Variants in HDAC8 observed in about 807,000 individuals in gnomAD.
The protein encoded by HDAC8 is histone deacetylase 8.
HDAC8 carries 1 observed loss-of-function variant against 32.2 expected under a neutral mutation model. The observed-to-expected ratio is 0.03, with a 90% CI of 0.01 to 0.15. HDAC8 has a LOEUF of 0.15. Ranked by LOEUF, HDAC8 falls within the 10% of genes least tolerant of loss-of-function variation. The pLI, the probability that HDAC8 is intolerant of heterozygous loss-of-function variation, is 1.00. For synonymous variants in HDAC8, 108 were observed against 113.9 expected, an observed-to-expected ratio of 0.95 and a Z score of 0.33; for missense variants, 117 against 300.0, an observed-to-expected ratio of 0.39 and a Z score of 4.51.
At chrX:72,522,999 T>C (rs976818929) in intron 4 of HDAC8, among the ~76,000 whole-genome samples, 1 of 112,197 alleles carries the variant, frequency 8.9e-6, no homozygotes, top group Admixed American at 9.4e-5. Flanking sequence ...CTGTCTGCCA[T>C]GATAATTCTT....
chrX:72,566,590 T>C (rs1556134563), intron 4 of HDAC8, among the ~76,000 whole-genome samples: 1 of 112,034 alleles, frequency 8.9e-6, no homozygotes, highest in Non-Finnish European at 1.9e-5. Context: ...AAAAACAAAG[T>C]GTTGTTTTCT....
intron 9 of HDAC8, among the ~76,000 whole-genome samples, chrX:72,447,096 A>T (rs1352320522): frequency 8.9e-6 from 1 of 112,466 alleles, no homozygotes; most frequent in Non-Finnish European, 1.9e-5. Context: ...TTATGAGGCC[A>T]GCATCATCCT....
intron 9 of HDAC8, among the ~76,000 whole-genome samples, chrX:72,392,841 T>C (rs2045648798): frequency 8.9e-6 from 1 of 112,131 alleles, no homozygotes; most frequent in Admixed American, 9.5e-5. Flanking sequence ...TTCTTCAGCA[T>C]ATAATCACCA....
chrX:72,491,339 T>A (rs782781804), intron 5 of HDAC8, among the ~76,000 whole-genome samples: 2 of 111,720 alleles, frequency 1.8e-5, no homozygotes, highest in Non-Finnish European at 3.8e-5. Flanking sequence ...AGCCTAGAAT[T>A]GAGGCATTAT....
intron 4 of HDAC8, among the ~76,000 whole-genome samples, chrX:72,548,763 G>A (rs1241937659): frequency 9.0e-6 from 1 of 110,768 alleles, no homozygotes; most frequent in Non-Finnish European, 1.9e-5. Context: ...TCAAACTCCT[G>A]GGCTCAAGTG....
At position 72,572,080 on chromosome X, in the gene HDAC8, T is replaced by A; in HGVS notation, c.141A>T (p.Ala47=). Residue 47 remains alanine (A), a synonymous_variant, in exon 2 of 11, where the codon GCA becomes GCT. Coordinates refer to ENST00000373573, the MANE Select transcript of HDAC8 (RefSeq NM_018486.3). The stretch of plus-strand genomic sequence containing the variant: ...ACCTCATCTGCTTATGCAGTGCATA[T>A]GCTTCAATCAAAGAATGCACCATAC... The part of the protein sequence containing the change: ...RASMVHSLIE[A]YALHKQMRIV... 2.5e-6 allele frequency: 3 copies of A among 1,195,395 alleles called. No individual in the cohort carries two copies. The highest frequency in any genetic ancestry group is 3.4e-6 in the Non-Finnish European group (3 of 888,262).
intron 3 of HDAC8, among the ~76,000 whole-genome samples, chrX:72,568,379 A>G (rs1556140598): frequency 8.9e-6 from 1 of 111,868 alleles, no homozygotes; most frequent in Non-Finnish European, 1.9e-5. Flanking sequence ...ACTATCCTGC[A>G]GGTCACTTAC....
intron 7 of HDAC8, chrX:72,467,885 C>A: frequency 1.0e-6 from 1 of 990,044 alleles, no homozygotes; most frequent in Non-Finnish European, 1.4e-6. Context: ...ATACATATAA[C>A]ATTTATGAGT....
At chrX:72,333,424 C>T (rs112231080) in intron 10 of HDAC8, among the ~76,000 whole-genome samples, 9,963 of 111,916 alleles carry the variant, frequency 0.089, 630 homozygotes, top group African/African-American at 0.22. Context: ...CGTGGTGGCT[C>T]ATGCCTGTAA....
At chrX:72,475,162 A>C (rs1404002604) in intron 7 of HDAC8, among the ~76,000 whole-genome samples, 1 of 110,771 alleles carries the variant, frequency 9.0e-6, no homozygotes. Context: ...TCCAACAGAC[A>C]CTCTCAGCAC....
chrX:72,422,526 C>T (rs908536147), intron 9 of HDAC8, among the ~76,000 whole-genome samples: 1 of 111,461 alleles, frequency 9.0e-6, no homozygotes, highest in Non-Finnish European at 1.9e-5. Context: ...CTTTAAGGTC[C>T]TCTCAAGTCT....
chrX:72,533,268 G>A (rs1202596086), intron 4 of HDAC8, among the ~76,000 whole-genome samples: 1 of 111,588 alleles, frequency 9.0e-6, no homozygotes. Flanking sequence ...GTAGCTTTAT[G>A]GTAAGTTTTG....
intron 9 of HDAC8, among the ~76,000 whole-genome samples, chrX:72,400,194 T>G (rs2045866778): frequency 8.9e-6 from 1 of 111,844 alleles, no homozygotes; most frequent in Non-Finnish European, 1.9e-5. Flanking sequence ...TCTAGATATC[T>G]TCTCTTCTCT....
chrX:72,512,531 T>C (rs1293782672), intron 4 of HDAC8, among the ~76,000 whole-genome samples: 1 of 112,007 alleles, frequency 8.9e-6, no homozygotes, highest in Non-Finnish European at 1.9e-5. Context: ...GAAGCTGTCT[T>C]CTAAGAGGCT....
chrX:72,550,468 A>T (rs781954294), intron 4 of HDAC8, among the ~76,000 whole-genome samples: 1 of 110,846 alleles, frequency 9.0e-6, no homozygotes, highest in Admixed American at 9.7e-5. Flanking sequence ...GTTCACAGTC[A>T]TTCTACTCTA....
At chrX:72,468,144 G>A in intron 7 of HDAC8, 1 of 714,637 alleles carries the variant, frequency 1.4e-6, no homozygotes, top group Non-Finnish European at 2.0e-6. Flanking sequence ...TTAAATTCAA[G>A]ACTGGAAGTT....
At chrX:72,409,130 C>A (rs781882126) in intron 9 of HDAC8, among the ~76,000 whole-genome samples, 44 of 112,220 alleles carry the variant, frequency 3.9e-4, no homozygotes, top group South Asian at 1.5e-3. Context: ...TATTTTCTTT[C>A]TTCCTCTTCT....
Position 72,542,473 on chromosome X carries a change from C to T in HDAC8, c.437+25416G>A, listed in dbSNP as rs193098859. 2.7e-5 allele frequency among the ~76,000 whole-genome samples: 3 copies of T among 112,068 alleles called. No homozygotes were observed. The East Asian group carries it at 8.4e-4, about 31-fold the overall frequency. On this transcript the variant is annotated intron_variant, in intron 4 of 10. Coordinates refer to ENST00000373573, the MANE Select transcript of HDAC8 (RefSeq NM_018486.3). The stretch of plus-strand genomic sequence containing the variant: ...ACCTATAATCAGATTATATCAAGGT[C>T]CCTTTGAGTGGTCCACCCAACTACG...
chrX:72,473,147 G>T (rs1363390041), intron 7 of HDAC8, among the ~76,000 whole-genome samples: 2 of 112,360 alleles, frequency 1.8e-5, no homozygotes, highest in Admixed American at 9.4e-5. Flanking sequence ...CTTAGGCTAT[G>T]ATCCAAAGTG....
Sources: gnomAD v4.1 joint callset for allele counts (sites outside exome capture counted in the v4.1 genomes callset) on GRCh38, gnomAD v4.1.1 for gene constraint, MANE v1.5 for transcripts, NCBI Gene and HGNC (gene_info 2026-07-23, HGNC 2026-07-21) for gene names.